RARB: variants seen among roughly 807,000 people sequenced by gnomAD.
RARB encodes retinoic acid receptor beta.
In RARB, 17 loss-of-function variants were observed where a neutral mutation model predicts 51.9. The ratio of observed to expected loss-of-function variants is 0.33; its 90% confidence interval spans 0.22 to 0.49. The LOEUF is 0.49. Among genes scored for constraint, RARB ranks in the 20% least tolerant of loss-of-function variants. The pLI, the probability that RARB is intolerant of heterozygous loss-of-function variation, is 0.99. For synonymous variants in RARB, 215 were observed against 195.4 expected (o/e 1.10, Z -0.84); for missense variants, 369 against 550.8 (o/e 0.67, Z 3.30).
intron 2 of RARB, among the ~76,000 whole-genome samples, chr3:24,927,591 A>C (rs564428184): frequency 6.6e-6 from 1 of 152,128 alleles, no homozygotes; most frequent in Admixed American, 6.6e-5. Flanking sequence ...CAGCCCCAGA[A>C]ACATGCAAAG....
intron 5 of RARB, among the ~76,000 whole-genome samples, chr3:25,283,170 C>A (rs1214598599): frequency 6.6e-6 from 1 of 152,170 alleles, no homozygotes; most frequent in Non-Finnish European, 1.5e-5. Context: ...TGGCTGCTCA[C>A]AGGATAGTAT....
At chr3:25,338,773 C>G (rs985844888) in intron 5 of RARB, among the ~76,000 whole-genome samples, 1 of 152,108 alleles carries the variant, frequency 6.6e-6, no homozygotes, top group Non-Finnish European at 1.5e-5. Flanking sequence ...ACTAATACAA[C>G]TCTAATGGTT....
At chr3:25,171,643 T>TAAAAAAAA (rs770248970) in intron 4 of RARB, among the ~76,000 whole-genome samples, 679 of 45,428 alleles carry the variant, frequency 0.015, 105 homozygotes, top group African/African-American at 0.053. Flanking sequence ...CCCTGGTTGG[T>TAAAAAAAA]AAAAAAAAAA....
chr3:24,976,115 C>T (rs1210692525), intron 2 of RARB, among the ~76,000 whole-genome samples: 1 of 152,170 alleles, frequency 6.6e-6, no homozygotes, highest in Non-Finnish European at 1.5e-5. Flanking sequence ...TTTTTTATGG[C>T]TGCATAGTAT....
chr3:24,895,112 G>A (rs1224552709), intron 2 of RARB, among the ~76,000 whole-genome samples: 1 of 152,104 alleles, frequency 6.6e-6, no homozygotes, highest in Non-Finnish European at 1.5e-5. Flanking sequence ...ATTACCAGGT[G>A]ATATGCTAAG....
intron 3 of RARB, among the ~76,000 whole-genome samples, chr3:25,126,172 G>C (rs1448117016): frequency 6.6e-6 from 1 of 152,086 alleles, no homozygotes; most frequent in Admixed American, 6.6e-5. Flanking sequence ...AAAACATTTA[G>C]GGGTCTGTGC....
chr3:25,524,559 C>A (rs1698551547), intron 3 of RARB, among the ~76,000 whole-genome samples: 1 of 151,906 alleles, frequency 6.6e-6, no homozygotes, highest in Non-Finnish European at 1.5e-5. Context: ...AGGACTGAAA[C>A]CAGACTGACA....
intron 5 of RARB, among the ~76,000 whole-genome samples, chr3:25,201,440 T>G (rs576370660): frequency 6.6e-6 from 1 of 152,336 alleles, no homozygotes; most frequent in East Asian, 1.9e-4. Flanking sequence ...CCTGCCTGAT[T>G]GCCCTGGCCA....
chr3:24,938,205 A>G (rs553090116), intron 2 of RARB, among the ~76,000 whole-genome samples: 1 of 152,296 alleles, frequency 6.6e-6, no homozygotes, highest in East Asian at 1.9e-4. Context: ...GTTGAACCAT[A>G]TGAAATTGAC....
chr3:25,573,056 T>TA (rs1186221587), intron 4 of RARB, among the ~76,000 whole-genome samples: 1 of 152,056 alleles, frequency 6.6e-6, no homozygotes, highest in Non-Finnish European at 1.5e-5. Flanking sequence ...CGTGGAGAGA[T>TA]AAACCCCCCC....
At chr3:25,542,399 C>G (rs1396761434) in intron 3 of RARB, among the ~76,000 whole-genome samples, 1 of 152,120 alleles carries the variant, frequency 6.6e-6, no homozygotes, top group Non-Finnish European at 1.5e-5. Context: ...ACAATTAAAC[C>G]CAATGGGGTA....
intron 2 of RARB, among the ~76,000 whole-genome samples, chr3:25,493,247 G>A (rs1226861131): frequency 6.6e-6 from 1 of 152,150 alleles, no homozygotes; most frequent in Non-Finnish European, 1.5e-5. Flanking sequence ...TCAGTGGGGT[G>A]AAAAGGTCTT....
At chr3:24,898,512 A>G (rs1162340327) in intron 2 of RARB, among the ~76,000 whole-genome samples, 1 of 152,098 alleles carries the variant, frequency 6.6e-6, no homozygotes, top group African/African-American at 2.4e-5. Context: ...ATTACACAGT[A>G]TAATTATAGC....
At chr3:25,072,716 AT>A (rs200445618) in intron 3 of RARB, among the ~76,000 whole-genome samples, 13 of 148,640 alleles carry the variant, frequency 8.7e-5, no homozygotes, top group South Asian at 2.1e-4. Flanking sequence ...TTTTTTATTT[AT>A]TTTTTTTTTG....
chr3:25,263,892 A>AGG, intron 5 of RARB, among the ~76,000 whole-genome samples: 1 of 152,252 alleles, frequency 6.6e-6, no homozygotes, highest in African/African-American at 2.4e-5. Context: ...GCAGTTCTGA[A>AGG]GGGGGAGAGC....
chr3:25,000,563 C>A (rs557278090), intron 2 of RARB, among the ~76,000 whole-genome samples: 6 of 152,032 alleles, frequency 3.9e-5, no homozygotes, highest in Admixed American at 3.9e-4. Flanking sequence ...TTTTAAAAAT[C>A]TTTTAAAATT....
intron 1 of RARB, among the ~76,000 whole-genome samples, chr3:24,841,220 C>T (rs1702417651): frequency 6.6e-6 from 1 of 152,154 alleles, no homozygotes; most frequent in African/African-American, 2.4e-5. Context: ...ATTTTTCCCA[C>T]CTAAGGTGTT....
chr3:25,575,049 C>T (rs528540067), intron 4 of RARB, among the ~76,000 whole-genome samples: 9 of 152,284 alleles, frequency 5.9e-5, no homozygotes, highest in African/African-American at 2.2e-4. Flanking sequence ...CAGCGGTCCC[C>T]AACCTTCTTG....
intron 5 of RARB, among the ~76,000 whole-genome samples, chr3:25,318,849 G>C (rs1159804916): frequency 2.6e-5 from 4 of 152,100 alleles, no homozygotes; most frequent in Admixed American, 2.6e-4. Flanking sequence ...GATTTTTTCA[G>C]CATTGTCATC....
Sources: allele counts gnomAD v4.1 joint callset (sites outside exome capture counted in the v4.1 genomes callset), GRCh38; gene constraint gnomAD v4.1.1; transcripts MANE v1.5; gene names NCBI Gene and HGNC (gene_info 2026-07-23, HGNC 2026-07-21).